RSPH14: variants seen among roughly 807,000 people sequenced by gnomAD.
RSPH14 encodes the protein radial spoke head 14 homolog, also known as rhabdoid tumor deletion region gene 1.
Under a neutral mutation model 26.7 loss-of-function variants are expected in RSPH14, and 20 were observed. That is an observed-to-expected ratio of 0.75 (90% CI 0.53 to 1.09). The LOEUF (loss-of-function observed/expected upper bound fraction) is 1.09, where lower values mean the gene tolerates loss of function less well. RSPH14 is among the 50% of genes least tolerant of loss of function. The pLI, the probability that RSPH14 is intolerant of heterozygous loss-of-function variation, is 0.00. For missense variants in RSPH14, 449 were observed against 457.2 expected, an observed-to-expected ratio of 0.98 and a Z score of 0.16; for synonymous variants, 177 against 189.3, an observed-to-expected ratio of 0.93 and a Z score of 0.53.
the RSPH14 span, among the ~76,000 whole-genome samples, chr22:23,171,071 G>A: frequency 1.3e-5 from 2 of 151,914 alleles, no homozygotes; most frequent in South Asian, 2.1e-4. Flanking sequence ...GGGTTCAAGC[G>A]ATCCTCCTGC....
the RSPH14 span, chr22:23,153,237 C>G: frequency 2.3e-6 from 2 of 885,910 alleles, no homozygotes; most frequent in Non-Finnish European, 3.7e-6. Context: ...GAGGACTAGT[C>G]TAGACAAGCA....
chr22:23,147,241 T>A (rs2070832254), upstream of RSPH14, among the ~76,000 whole-genome samples: 1 of 152,178 alleles, frequency 6.6e-6, no homozygotes, highest in Non-Finnish European at 1.5e-5. Flanking sequence ...CAGCAGGGAA[T>A]ACAAATTGAG....
At chr22:23,078,806 G>A (rs2068584227) in intron 4 of RSPH14, among the ~76,000 whole-genome samples, 2 of 152,218 alleles carry the variant, frequency 1.3e-5, no homozygotes, top group South Asian at 4.1e-4. Context: ...GGTAGCAACA[G>A]AAGCCCAGCC....
chr22:23,105,108 C>T lies in RSPH14; in HGVS notation c.421+28918G>A, dbSNP rs191252555. On this transcript the variant is annotated intron_variant, in intron 4 of 6. Coordinates refer to ENST00000216036, the MANE Select transcript of RSPH14 (RefSeq NM_014433.3). Reference sequence around the variant, plus strand: ...ATTTCATTAATAATGAAACCAGAGTCGACTGGGGGCCCTGGGCCTTGTATC... The same window carrying T: ...ATTTCATTAATAATGAAACCAGAGTTGACTGGGGGCCCTGGGCCTTGTATC... Among the ~76,000 whole-genome samples the T allele has an allele frequency of 1.2e-4, 18 of 152,242 alleles. No homozygotes were observed. In the East Asian group the frequency reaches 2.3e-3, roughly 20 times the overall value.
chr22:23,089,443 C>G (rs2068902711), intron 4 of RSPH14, among the ~76,000 whole-genome samples: 1 of 152,130 alleles, frequency 6.6e-6, no homozygotes, highest in Admixed American at 6.5e-5. Flanking sequence ...TTATGTTGCC[C>G]CAGCTCTATG....
intron 4 of RSPH14, among the ~76,000 whole-genome samples, chr22:23,115,519 G>A (rs1045431143): frequency 1.3e-5 from 2 of 152,184 alleles, no homozygotes; most frequent in Non-Finnish European, 2.9e-5. Flanking sequence ...CCTGGAGGGG[G>A]TCTCGGGTTG....
intron 4 of RSPH14, among the ~76,000 whole-genome samples, chr22:23,067,209 G>C (rs923719561): frequency 1.3e-5 from 2 of 152,116 alleles, no homozygotes; most frequent in African/African-American, 4.8e-5. Context: ...GTGGAGTCTG[G>C]GTCATTTTCT....
chr22:23,123,587 AAACAT>A (rs754315986), intron 4 of RSPH14: 13 of 604,492 alleles, frequency 2.2e-5, no homozygotes, highest in Non-Finnish European at 8.8e-6. Context: ...ACATTTCTGC[AAACAT>A]AAATATTTAC....
chr22:23,064,284 G>T (rs1235848291), intron 4 of RSPH14, 151 bp from the exon 5 acceptor site: 6 of 699,070 alleles, frequency 8.6e-6, no homozygotes, highest in Non-Finnish European at 1.5e-5. Context: ...CACACGTCCC[G>T]CCTGGCCAGG....
intron 4 of RSPH14, chr22:23,096,471 G>A: frequency 6.5e-7 from 1 of 1,540,608 alleles, no homozygotes; most frequent in South Asian, 1.2e-5. Flanking sequence ...GTGGGTTCCT[G>A]GAAGCAAGAG....
At chr22:23,150,293 CTT>C in the RSPH14 span, 5 of 496,582 alleles carry the variant, frequency 1.0e-5, no homozygotes, top group Admixed American at 3.5e-5. Context: ...CTGGGGTTTT[CTT>C]TTTTTTTTCT....
chr22:23,101,404 G>A (rs2069300443), intron 4 of RSPH14, among the ~76,000 whole-genome samples: 1 of 152,218 alleles, frequency 6.6e-6, no homozygotes, highest in South Asian at 2.1e-4. Context: ...TGGAGCTGCT[G>A]TGTAGCCAGC....
chr22:23,138,435 C>T (rs1485631609), intron 3 of RSPH14, among the ~76,000 whole-genome samples: 1 of 152,094 alleles, frequency 6.6e-6, no homozygotes, highest in Non-Finnish European at 1.5e-5. Flanking sequence ...ATGACACATG[C>T]CTGTAGTCCC....
intron 4 of RSPH14, among the ~76,000 whole-genome samples, chr22:23,068,705 C>T (rs905099529): frequency 7.2e-5 from 11 of 152,258 alleles, no homozygotes; most frequent in African/African-American, 2.7e-4. Flanking sequence ...CAGCCTCTGG[C>T]TATCCCAAGA....
intron 4 of RSPH14, chr22:23,123,713 G>C (rs940281475): frequency 4.4e-6 from 2 of 456,340 alleles, no homozygotes; most frequent in Non-Finnish European, 8.0e-6. Context: ...GCTGTCACAA[G>C]GTCACTACAA....
intron 4 of RSPH14, among the ~76,000 whole-genome samples, chr22:23,094,792 G>A (rs927896283): frequency 1.3e-5 from 2 of 152,220 alleles, no homozygotes; most frequent in East Asian, 1.9e-4. Flanking sequence ...CAGCTCCTGC[G>A]GGGGTAATGA....
the RSPH14 span, among the ~76,000 whole-genome samples, chr22:23,150,591 G>A: frequency 4.2e-4 from 64 of 151,828 alleles, no homozygotes; most frequent in African/African-American, 1.5e-3. Context: ...GTGAGCCACC[G>A]TGCCCAGCCA....
intron 6 of RSPH14, 45 bp downstream of exon 6, chr22:23,061,764 A>G: frequency 6.2e-7 from 1 of 1,609,878 alleles, no homozygotes; most frequent in South Asian, 1.1e-5. Flanking sequence ...CACGGCTGCT[A>G]GCCTGCTAGG....
At chr22:23,090,864 A>T (rs1446161719) in intron 4 of RSPH14, among the ~76,000 whole-genome samples, 1 of 152,124 alleles carries the variant, frequency 6.6e-6, no homozygotes, top group Non-Finnish European at 1.5e-5. Context: ...CCTGAGCAAA[A>T]ATAGGGAATA....
Sources: allele counts gnomAD v4.1 joint callset (sites outside exome capture counted in the v4.1 genomes callset), GRCh38; gene constraint gnomAD v4.1.1; transcripts MANE v1.5; gene names NCBI Gene and HGNC (gene_info 2026-07-23, HGNC 2026-07-21).